DIPK1A: variants seen among roughly 807,000 people sequenced by gnomAD.
DIPK1A encodes the protein divergent protein kinase domain 1A, also known as family with sequence similarity 69 member A.
DIPK1A carries 27 observed loss-of-function variants against 40.8 expected under a neutral mutation model. The ratio of observed to expected loss-of-function variants is 0.66; its 90% confidence interval spans 0.49 to 0.91. The LOEUF (loss-of-function observed/expected upper bound fraction) is 0.91. Ranked by LOEUF, DIPK1A falls within the 40% of genes least tolerant of loss-of-function variation. The pLI, the probability that DIPK1A is intolerant of heterozygous loss-of-function variation, is 0.00. For missense variants in DIPK1A, 412 were observed against 505.7 expected (o/e 0.81, Z 1.78); for synonymous variants, 166 against 171.3 (o/e 0.97, Z 0.24).
intron 2 of DIPK1A, among the ~76,000 whole-genome samples, chr1:92,875,331 C>A (rs1648069364): frequency 6.6e-6 from 1 of 152,126 alleles, no homozygotes. Context: ...ACTATAGAAT[C>A]TTTAACAAGT....
At chr1:92,881,326 C>CA (rs3042466) in intron 1 of DIPK1A, among the ~76,000 whole-genome samples, 23,020 of 112,248 alleles carry the variant, frequency 0.21, 2,409 homozygotes, top group Non-Finnish European at 0.26. Flanking sequence ...GACTCTGTCT[C>CA]AAAAAAAAAA....
At chr1:92,893,641 C>T (rs1649008806) in intron 1 of DIPK1A, among the ~76,000 whole-genome samples, 1 of 151,128 alleles carries the variant, frequency 6.6e-6, no homozygotes, top group Non-Finnish European at 1.5e-5. Flanking sequence ...GGATCAAATT[C>T]ACACATAACA....
At chr1:92,925,680 G>A (rs1650474970) in intron 1 of DIPK1A, among the ~76,000 whole-genome samples, 1 of 152,040 alleles carries the variant, frequency 6.6e-6, no homozygotes, top group Admixed American at 6.6e-5. Context: ...TTTTAGTAGA[G>A]ATGGGGGGTT....
intron 1 of DIPK1A, among the ~76,000 whole-genome samples, chr1:92,961,017 C>T (rs879297060): frequency 1.3e-5 from 2 of 152,202 alleles, no homozygotes; most frequent in Non-Finnish European, 2.9e-5. Context: ...AGAAGGCGGC[C>T]CGTCGAGCTC....
chr1:92,841,018 A>G (rs1435039597), downstream of DIPK1A, among the ~76,000 whole-genome samples: 1 of 152,262 alleles, frequency 6.6e-6, no homozygotes, highest in Non-Finnish European at 1.5e-5. Flanking sequence ...CAATGTATTT[A>G]ACATATTCAC....
At chr1:92,930,009 GAACC>G (rs1277236939) in intron 1 of DIPK1A, among the ~76,000 whole-genome samples, 1 of 152,272 alleles carries the variant, frequency 6.6e-6, no homozygotes, top group Non-Finnish European at 1.5e-5. Flanking sequence ...AACCACCCTT[GAACC>G]AAGCACTGTG....
intron 1 of DIPK1A, among the ~76,000 whole-genome samples, chr1:92,908,757 G>T (rs1649720065): frequency 6.6e-6 from 1 of 152,264 alleles, no homozygotes; most frequent in African/African-American, 2.4e-5. Flanking sequence ...TAGCACAAAG[G>T]TTCCTGAGAG....
chr1:92,836,167 A>C, intron 4 of DIPK1A: 1 of 1,595,938 alleles, frequency 6.3e-7, no homozygotes, highest in Non-Finnish European at 8.6e-7. Context: ...TGAAACCAGC[A>C]TTTACATTGG....
rs757656957 is a variant in DIPK1A, at chr1:92,842,819, C to T, written c.*564G>A. 1 of 985,420 alleles carries T rather than the reference C, an allele frequency of 1.0e-6. No individual in the cohort carries two copies. Among genetic ancestry groups the T allele is most frequent in the East Asian group, 1.1e-4 (1 of 8,820 alleles). The allele number at this position is 985,420 out of a possible 1,614,324, so 61.0% of individuals were successfully genotyped here. A position where few individuals can be genotyped will look rare whatever the true frequency, so the allele number is the denominator to read the frequency against. On this transcript the variant is annotated 3_prime_UTR_variant, in exon 5 of 5. Coordinates refer to ENST00000370310, the MANE Select transcript of DIPK1A (RefSeq NM_001006605.5). The stretch of plus-strand genomic sequence containing the variant: ...GTAAGCCACTTGAACCATTGTGAAG[C>T]TACACATAACTTGATGTCTGAATGA...
chr1:92,876,794 C>T (rs1648151089), intron 1 of DIPK1A, among the ~76,000 whole-genome samples: 1 of 152,140 alleles, frequency 6.6e-6, no homozygotes, highest in Non-Finnish European at 1.5e-5. Context: ...TTACAAAAGA[C>T]TCTTTCACAT....
intron 1 of DIPK1A, among the ~76,000 whole-genome samples, chr1:92,946,773 C>A (rs1250207280): frequency 1.3e-5 from 2 of 151,794 alleles, no homozygotes; most frequent in African/African-American, 4.8e-5. Flanking sequence ...TGAAACCCTG[C>A]CTCTATAAAA....
At chr1:92,845,808 C>A (rs1335322316) in intron 4 of DIPK1A, among the ~76,000 whole-genome samples, 2 of 149,220 alleles carry the variant, frequency 1.3e-5, no homozygotes, top group Non-Finnish European at 3.0e-5. Flanking sequence ...GCACTCCAGC[C>A]TGGGCAACAG....
intron 1 of DIPK1A, 63 bp downstream of exon 1, chr1:92,961,313 C>CCT: frequency 7.7e-7 from 1 of 1,297,836 alleles, no homozygotes; most frequent in Non-Finnish European, 1.0e-6. Flanking sequence ...GAGTCCTGCG[C>CCT]GGCGCGGCAG....
At chr1:92,881,926 TG>T (rs1276169274) in intron 1 of DIPK1A, among the ~76,000 whole-genome samples, 3 of 152,254 alleles carry the variant, frequency 2.0e-5, no homozygotes, top group African/African-American at 7.2e-5. Flanking sequence ...TTTGTATATA[TG>T]TGTTTAATGT....
chr1:92,921,497 G>A (rs1208605433), intron 1 of DIPK1A, among the ~76,000 whole-genome samples: 3 of 152,212 alleles, frequency 2.0e-5, no homozygotes, highest in Non-Finnish European at 2.9e-5. Flanking sequence ...GAATTTGCTA[G>A]TCGGGAGTAA....
chr1:92,836,326 C>A, intron 4 of DIPK1A: 2 of 1,614,140 alleles, frequency 1.2e-6, no homozygotes, highest in Non-Finnish European at 1.7e-6. Context: ...GCCAGAACTA[C>A]CACTGGCAAT....
chr1:92,958,154 A>C (rs1651923446), intron 1 of DIPK1A, among the ~76,000 whole-genome samples: 2 of 152,244 alleles, frequency 1.3e-5, no homozygotes, highest in Admixed American at 6.5e-5. Flanking sequence ...GCAAAGCTAT[A>C]AACAGTGAAT....
chr1:92,898,924 G>C (rs1447188127), intron 1 of DIPK1A, among the ~76,000 whole-genome samples: 1 of 151,962 alleles, frequency 6.6e-6, no homozygotes, highest in East Asian at 1.9e-4. Flanking sequence ...CACCATGCCT[G>C]GCTATTTTGC....
chr1:92,941,506 A>T (rs1029606958), intron 1 of DIPK1A, among the ~76,000 whole-genome samples: 5 of 152,198 alleles, frequency 3.3e-5, no homozygotes, highest in Non-Finnish European at 7.3e-5. Context: ...TTATCTAGTC[A>T]TTCCCTGAGA....
Sources: allele counts gnomAD v4.1 joint callset (sites outside exome capture counted in the v4.1 genomes callset), GRCh38; gene constraint gnomAD v4.1.1; transcripts MANE v1.5; gene names NCBI Gene and HGNC (gene_info 2026-07-23, HGNC 2026-07-21).